Variants in SLC25A25 observed in about 807,000 individuals in gnomAD.
The protein encoded by SLC25A25 is mitochondrial adenyl nucleotide antiporter SLC25A25.
Under a neutral mutation model 57.7 loss-of-function variants are expected in SLC25A25, and 32 were observed. The observed-to-expected ratio is 0.55, with a 90% CI of 0.42 to 0.74. The LOEUF is 0.74. Ranked by LOEUF, SLC25A25 falls within the 30% of genes least tolerant of loss-of-function variation. The pLI is 0.00. For synonymous variants in SLC25A25, 306 were observed against 291.2 expected, an observed-to-expected ratio of 1.05 and a Z score of -0.52; for missense variants, 556 against 701.3, an observed-to-expected ratio of 0.79 and a Z score of 2.34.
chr9:128,096,375 G>A (rs1041177249), intron 1 of SLC25A25, among the ~76,000 whole-genome samples: 5 of 152,172 alleles, frequency 3.3e-5, no homozygotes, highest in Admixed American at 3.3e-4. Context: ...CAGGCGTGGT[G>A]GTGGGCGCCT....
rs1334915632 is a variant in SLC25A25 at position 128,103,831 on chromosome 9, C to T, written c.775C>T (p.Leu259Phe). The T allele has an allele frequency of 1.9e-6, 3 of 1,593,878 alleles. No individual in the cohort carries two copies. Among genetic ancestry groups the T allele is most frequent in the Non-Finnish European group, 1.7e-6 (2 of 1,169,918 alleles). ...CTAPLDRLKV[L>F]MQVHASRSNN... ...GGCCCCCCTGGACAGGCTCAAGGTGCTCATGCAGGTATGTAGGGAAAAGGC... is the reference window on the plus strand; with the variant it reads ...GGCCCCCCTGGACAGGCTCAAGGTGTTCATGCAGGTATGTAGGGAAAAGGC... Residue 259 changes from leucine to phenylalanine, a missense_variant, in exon 6 of 11, where the codon CTC becomes TTC. By Grantham distance (22) the Leu-to-Phe change is conservative (BLOSUM62 0). This residue lies in a region of SLC25A25 where 294 missense variants were observed against 389.6 expected (regional missense o/e 0.75). Coordinates refer to ENST00000373069, the MANE Select transcript of SLC25A25 (RefSeq NM_001330988.2). This position sits in a 1 kb window ranked among gnomAD's most constrained non-coding sequence, Gnocchi z 6.7.
intron 1 of SLC25A25, among the ~76,000 whole-genome samples, chr9:128,071,133 C>A (rs1447854125): frequency 1.3e-5 from 2 of 152,148 alleles, no homozygotes; most frequent in African/African-American, 4.8e-5. Context: ...CAACTAGAGT[C>A]ACAATGTTCT....
chr9:128,075,669 T>A (rs1362431768), intron 1 of SLC25A25, among the ~76,000 whole-genome samples: 1 of 151,994 alleles, frequency 6.6e-6, no homozygotes, highest in Non-Finnish European at 1.5e-5. Flanking sequence ...TGGTGAAACC[T>A]CATCTCTACT....
At chr9:128,093,644 G>A (rs1833475131) in intron 1 of SLC25A25, among the ~76,000 whole-genome samples, 1 of 152,228 alleles carries the variant, frequency 6.6e-6, no homozygotes, top group Admixed American at 6.5e-5. Flanking sequence ...CAGCTGGTTG[G>A]GCTTGAAGCC....
chr9:128,073,864 G>C (rs1832954896), intron 1 of SLC25A25, among the ~76,000 whole-genome samples: 2 of 151,434 alleles, frequency 1.3e-5, no homozygotes, highest in African/African-American at 4.9e-5. Context: ...CTCTGGTGTA[G>C]CTGGGATTAC....
chr9:128,102,137 G>A lies in SLC25A25; in HGVS notation c.512+22G>A. ...CCTAGTAAGTATCCATGTCGCTCAT[G>A]ACTGCCTCCCTTGACTTCCATGCCT... On this transcript the variant is annotated intron_variant, in intron 4 of 10. Transcript: ENST00000373069. This position sits in a 1 kb window ranked among gnomAD's most constrained non-coding sequence, Gnocchi z 4.1. 3 of 1,550,542 alleles carry A rather than the reference G, an allele frequency of 1.9e-6. No individual in the cohort carries two copies. The highest frequency in any genetic ancestry group is 2.6e-6 in the Non-Finnish European group (3 of 1,146,950).
chr9:128,105,116 C>G (rs575749632), intron 6 of SLC25A25, among the ~76,000 whole-genome samples: 1 of 147,854 alleles, frequency 6.8e-6, no homozygotes, highest in East Asian at 2.0e-4. Context: ...ACCTCGGCCT[C>G]CCAAAGTGCT....
At chr9:128,076,732 T>C (rs1400812167) in intron 1 of SLC25A25, among the ~76,000 whole-genome samples, 1 of 152,144 alleles carries the variant, frequency 6.6e-6, no homozygotes, top group Non-Finnish European at 1.5e-5. Flanking sequence ...CCTCCCGAAG[T>C]GCTGGGATTA....
At chr9:128,100,834 C>G (rs1170655694) in intron 1 of SLC25A25, 1 of 474,196 alleles carries the variant, frequency 2.1e-6, no homozygotes. Flanking sequence ...TCTTCCCAGG[C>G]TCCTTGTTTC....
chr9:128,091,706 C>T, intron 1 of SLC25A25: 1 of 1,425,258 alleles, frequency 7.0e-7, no homozygotes, highest in Non-Finnish European at 9.1e-7. Flanking sequence ...GACAGCAGTG[C>T]TAGCACATTT....
chr9:128,079,901 G>A (rs7852162), intron 1 of SLC25A25, among the ~76,000 whole-genome samples: 23,130 of 151,950 alleles, frequency 0.15, 1,860 homozygotes, highest in South Asian at 0.25. Flanking sequence ...TGAGGCAGGA[G>A]AATCGCTTGA....
At position 128,107,067 on chromosome 9, in the gene SLC25A25, C is replaced by G; in HGVS notation, c.1251C>G (p.Asn417Lys). 1 of 1,614,156 alleles carries G rather than the reference C, an allele frequency of 6.2e-7. No homozygotes were observed. Among genetic ancestry groups the G allele is most frequent in the Non-Finnish European group, 8.5e-7 (1 of 1,180,022 alleles). ...CCTGGCTGCAGCACTATGCAGTGAA[C>G]AGCGCGGACCCCGGCGTGTTTGTGC... ...KNAWLQHYAV[N>K]SADPGVFVLL... Residue 417 changes from asparagine to lysine, a missense_variant, in exon 10 of 11, where the codon AAC becomes AAG. Around this residue, in one of 3 missense-constraint regions of SLC25A25, gnomAD observed 294 missense variants for 389.6 expected, o/e 0.75. Transcript: ENST00000373069.
In SLC25A25 at chr9:128,075,834, ACT is replaced by A. The variant is rs1200807050; in HGVS notation, c.261+7257_261+7258del. Among the ~76,000 whole-genome samples the A allele has an allele frequency of 2.6e-5, 4 of 152,102 alleles. No individual in the cohort carries two copies. In the East Asian group the frequency reaches 7.7e-4, roughly 29 times the overall value. On this transcript the variant is annotated intron_variant, in intron 1 of 10. Coordinates refer to ENST00000373069, the MANE Select transcript of SLC25A25 (RefSeq NM_001330988.2). Reference sequence around the variant, plus strand: ...ACTCCAGCCTGGGTGACAGTGCGAGACTCTGTCTCAAAAAGAAAAAAAACAAA... The same window carrying A: ...ACTCCAGCCTGGGTGACAGTGCGAGACTGTCTCAAAAAGAAAAAAAACAAA...
At chr9:128,088,607 TACA>T in intron 1 of SLC25A25, among the ~76,000 whole-genome samples, 1 of 152,194 alleles carries the variant, frequency 6.6e-6, no homozygotes, top group Non-Finnish European at 1.5e-5. Flanking sequence ...TTCGTTTGTA[TACA>T]TTGTATACAT....
chr9:128,088,093 G>A (rs374024716), intron 1 of SLC25A25, among the ~76,000 whole-genome samples: 2 of 152,066 alleles, frequency 1.3e-5, no homozygotes, highest in Non-Finnish European at 2.9e-5. Flanking sequence ...TACCCTCTTG[G>A]GTGCTGGTTA....
chr9:128,085,560 G>A (rs540501255), intron 1 of SLC25A25, among the ~76,000 whole-genome samples: 1 of 152,274 alleles, frequency 6.6e-6, no homozygotes, highest in African/African-American at 2.4e-5. Context: ...GTCTAGGGAA[G>A]TTTAAGATAA....
Position 128,102,437 on chromosome 9 carries a change from G to A in SLC25A25, c.580G>A (p.Val194Met), listed in dbSNP as rs151146132. ...EWRDYHLLHP[V>M]ENIPEIILYW... ...GAGAGACTACCACCTCCTCCACCCC[G>A]TGGAAAACATCCCCGAGATCATCCT... Residue 194 changes from valine (V) to methionine (M), a missense_variant, in exon 5 of 11, where the codon GTG becomes ATG. Coordinates refer to ENST00000373069, the MANE Select transcript of SLC25A25 (RefSeq NM_001330988.2). This position sits in a 1 kb window ranked among gnomAD's most constrained non-coding sequence, Gnocchi z 4.1. 650 of 1,613,930 alleles carry A rather than the reference G, an allele frequency of 4.0e-4. No homozygotes were observed. Among genetic ancestry groups the A allele is most frequent in the Non-Finnish European group, 4.8e-4 (572 of 1,179,924 alleles).
intron 1 of SLC25A25, among the ~76,000 whole-genome samples, chr9:128,092,773 G>A (rs1833447232): frequency 6.6e-6 from 1 of 152,152 alleles, no homozygotes; most frequent in African/African-American, 2.4e-5. Context: ...AAGAAACTGA[G>A]GTGCAGAATG....
At chr9:128,098,765 A>G (rs1203718626) in intron 1 of SLC25A25, 9 of 1,603,668 alleles carry the variant, frequency 5.6e-6, no homozygotes, top group African/African-American at 2.7e-5. Context: ...GGCGCATTCA[A>G]CCGGTATTTG....
Sources: allele counts gnomAD v4.1 joint callset (sites outside exome capture counted in the v4.1 genomes callset), GRCh38; gene constraint gnomAD v4.1.1; regional missense constraint gnomAD v4.1.1; non-coding constraint Gnocchi (gnomAD v3.1); transcripts MANE v1.5; gene names NCBI Gene and HGNC (gene_info 2026-07-23, HGNC 2026-07-21).